The following GULP1 variants were observed in gnomAD, a reference collection of about 807,000 sequenced individuals.
GULP1 encodes the protein GULP PTB domain containing engulfment adaptor 1.
GULP1 carries 19 observed loss-of-function variants against 40.9 expected under a neutral mutation model. That is an observed-to-expected ratio of 0.46 (90% CI 0.32 to 0.68). The LOEUF is 0.68. GULP1 is among the 30% of genes least tolerant of loss of function. The pLI is 0.03. For missense variants in GULP1, 312 were observed against 362.2 expected, an observed-to-expected ratio of 0.86 and a Z score of 1.12; for synonymous variants, 119 against 117.6, an observed-to-expected ratio of 1.01 and a Z score of -0.08.
At chr2:188,495,556 A>C (rs73978242) in intron 4 of GULP1, among the ~76,000 whole-genome samples, 12,426 of 152,194 alleles carry the variant, frequency 0.082, 634 homozygotes, top group Non-Finnish European at 0.11. Flanking sequence ...CCAACAGTTT[A>C]GAACTGGGAA....
chr2:188,463,926 T>C (rs963988046), intron 2 of GULP1, among the ~76,000 whole-genome samples: 5 of 152,204 alleles, frequency 3.3e-5, no homozygotes, highest in Non-Finnish European at 7.3e-5. Context: ...TTATCTTGAA[T>C]GTCTTTAAGT....
At chr2:188,539,865 C>A (rs1466382907) in intron 6 of GULP1, among the ~76,000 whole-genome samples, 1 of 152,080 alleles carries the variant, frequency 6.6e-6, no homozygotes, top group African/African-American at 2.4e-5. Context: ...TAAATGTTTT[C>A]ATATCAATGA....
intron 3 of GULP1, among the ~76,000 whole-genome samples, chr2:188,480,360 C>A (rs1016373615): frequency 2.6e-5 from 4 of 151,942 alleles, no homozygotes; most frequent in Admixed American, 2.6e-4. Context: ...TTCATAGATA[C>A]CCAATATACT....
intron 1 of GULP1, among the ~76,000 whole-genome samples, chr2:188,374,061 A>T (rs1350127231): frequency 6.6e-6 from 1 of 152,100 alleles, no homozygotes; most frequent in Non-Finnish European, 1.5e-5. Context: ...TAAAAATTTT[A>T]AAGTATATAA....
intron 1 of GULP1, among the ~76,000 whole-genome samples, chr2:188,311,386 G>T (rs1243082770): frequency 6.6e-6 from 1 of 151,986 alleles, no homozygotes; most frequent in Non-Finnish European, 1.5e-5. Flanking sequence ...TAGTAGAGAC[G>T]GGGTTTCACC....
chr2:188,349,767 G>A (rs1235988736), intron 1 of GULP1, among the ~76,000 whole-genome samples: 1 of 152,028 alleles, frequency 6.6e-6, no homozygotes, highest in Non-Finnish European at 1.5e-5. Flanking sequence ...GATTTCATAT[G>A]TGGGAAACTA....
chr2:188,429,238 G>C (rs929304779), intron 2 of GULP1, among the ~76,000 whole-genome samples: 1 of 152,038 alleles, frequency 6.6e-6, no homozygotes, highest in Non-Finnish European at 1.5e-5. Flanking sequence ...TGTGCTGGCT[G>C]TCACCTGTAA....
At chr2:188,511,768 T>TA (rs1247232061) in intron 4 of GULP1, among the ~76,000 whole-genome samples, 1 of 152,164 alleles carries the variant, frequency 6.6e-6, no homozygotes, top group African/African-American at 2.4e-5. Flanking sequence ...AAATAATTGT[T>TA]ATAATAAAAT....
chr2:188,543,798 T>C (rs1040927026), intron 7 of GULP1, among the ~76,000 whole-genome samples: 6 of 152,188 alleles, frequency 3.9e-5, no homozygotes, highest in African/African-American at 1.4e-4. Context: ...CTCCCATAAC[T>C]GTGGCCTCCT....
rs758589189 is a variant in GULP1, at chr2:188,522,877, T to G, written c.162+50T>G. On this transcript the variant is annotated intron_variant, in intron 5 of 11. Transcript: ENST00000409830. Reference sequence around the variant, plus strand: ...TACAAGTGTATTGACTCTGTCATGTTTTCAGCAGATTGATGGAGATCAAAG... The same window carrying G: ...TACAAGTGTATTGACTCTGTCATGTGTTCAGCAGATTGATGGAGATCAAAG... 3.6e-6 allele frequency: 4 copies of G among 1,125,390 alleles called. No homozygotes were observed. In the South Asian group the frequency reaches 5.0e-5, roughly 14 times the overall value. 69.7% of individuals were successfully genotyped at this position (1,125,390 alleles called of 1,614,324 possible).
intron 2 of GULP1, among the ~76,000 whole-genome samples, chr2:188,408,513 A>T (rs949026507): frequency 6.6e-6 from 1 of 152,338 alleles, no homozygotes; most frequent in Admixed American, 6.5e-5. Flanking sequence ...GCACTTAAAT[A>T]TATGAAGCAA....
rs1307041304 is a variant in GULP1 at position 188,304,231 on chromosome 2, GT to G, written c.-172+12066del. On this transcript the variant is annotated intron_variant, in intron 1 of 11. Transcript: ENST00000409830. The stretch of plus-strand genomic sequence containing the variant: ...ACTTGTGCTGAAATAATCAGATAAA[GT>G]AAAAATAGCACCCTTCCTTAATTTG... 5.3e-5 allele frequency among the ~76,000 whole-genome samples: 8 copies of G among 152,194 alleles called. No homozygotes were observed. The East Asian group carries it at 1.5e-3, about 29-fold the overall frequency.
intron 1 of GULP1, among the ~76,000 whole-genome samples, chr2:188,300,947 T>C (rs2036023060): frequency 2.0e-5 from 3 of 152,170 alleles, no homozygotes; most frequent in Admixed American, 2.0e-4. Flanking sequence ...TTTTCTGTAA[T>C]GGTAAGCATC....
At chr2:188,575,331 A>G (rs1378800364) in intron 9 of GULP1, among the ~76,000 whole-genome samples, 2 of 152,212 alleles carry the variant, frequency 1.3e-5, no homozygotes, top group Admixed American at 1.3e-4. Context: ...TGAAGATCTA[A>G]TATTTCCATA....
chr2:188,325,134 A>G (rs183871740), intron 1 of GULP1, among the ~76,000 whole-genome samples: 53 of 152,182 alleles, frequency 3.5e-4, no homozygotes, highest in Non-Finnish European at 6.5e-4. Flanking sequence ...CGAAACATTT[A>G]TTGATATATA....
intron 9 of GULP1, 58 bp downstream of exon 9, chr2:188,570,178 T>C: frequency 1.4e-6 from 1 of 732,368 alleles, no homozygotes; most frequent in Non-Finnish European, 2.4e-6. Flanking sequence ...CATCTGTGTA[T>C]CACTAGTTCT....
intron 6 of GULP1, among the ~76,000 whole-genome samples, chr2:188,538,500 C>T (rs926539303): frequency 1.3e-5 from 2 of 151,992 alleles, no homozygotes; most frequent in African/African-American, 4.8e-5. Flanking sequence ...TAATATAGAA[C>T]AACTATTTAC....
intron 6 of GULP1, among the ~76,000 whole-genome samples, chr2:188,535,793 A>G (rs1307950928): frequency 6.6e-6 from 1 of 152,216 alleles, no homozygotes. Flanking sequence ...TAGTGGCTGA[A>G]CTAAATTACA....
intron 1 of GULP1, among the ~76,000 whole-genome samples, chr2:188,376,269 A>G (rs2048287132): frequency 6.6e-6 from 1 of 152,244 alleles, no homozygotes; most frequent in South Asian, 2.1e-4. Flanking sequence ...TCATTAATTA[A>G]ATACACTTTT....
Sources: allele counts gnomAD v4.1 joint callset (sites outside exome capture counted in the v4.1 genomes callset), GRCh38; gene constraint gnomAD v4.1.1; transcripts MANE v1.5; gene names NCBI Gene and HGNC (gene_info 2026-07-23, HGNC 2026-07-21).